MYO9A: variants seen among roughly 807,000 people sequenced by gnomAD.
MYO9A encodes myosin IXA.
Under a neutral mutation model 293.3 loss-of-function variants are expected in MYO9A, and 103 were observed. The ratio of observed to expected loss-of-function variants is 0.35; its 90% CI spans 0.30 to 0.41. The LOEUF is 0.41. MYO9A is among the 10% of genes least tolerant of loss of function. The pLI is 1.00. For missense variants in MYO9A, 2,685 were observed against 3,033.0 expected (o/e 0.89, Z 2.69); for synonymous variants, 1,001 against 1,035.7 (o/e 0.97, Z 0.64).
At chr15:71,865,447 C>A (rs910003527) in intron 32 of MYO9A, among the ~76,000 whole-genome samples, 5 of 152,104 alleles carry the variant, frequency 3.3e-5, no homozygotes, top group African/African-American at 4.8e-5. Context: ...TGTTATATAT[C>A]CATACAACAG....
chr15:71,828,802 C>T (rs1294472263), intron 40 of MYO9A, among the ~76,000 whole-genome samples: 2 of 152,170 alleles, frequency 1.3e-5, no homozygotes, highest in African/African-American at 2.4e-5. Context: ...ACAATATTCT[C>T]CTCTACTTTA....
chr15:71,906,758 CTTT>C (rs71131714), intron 19 of MYO9A, among the ~76,000 whole-genome samples: 10 of 61,014 alleles, frequency 1.6e-4, no homozygotes, highest in East Asian at 3.4e-4. Context: ...CCATTTCTTT[CTTT>C]TTTTTTTTTT....
At chr15:72,102,499 T>TAAAAAAAAA in intron 1 of MYO9A, among the ~76,000 whole-genome samples, 1 of 114,454 alleles carries the variant, frequency 8.7e-6, no homozygotes, top group Non-Finnish European at 1.8e-5. Flanking sequence ...TAAATAAATT[T>TAAAAAAAAA]AAAAAAAAAA....
rs1430504344 is a variant in MYO9A, at chr15:71,903,992, G to A, written c.2814C>T (p.Tyr938=). The A allele has an allele frequency of 6.2e-7, 1 of 1,614,034 alleles. No individual in the cohort carries two copies. Among genetic ancestry groups the A allele is most frequent in the Non-Finnish European group, 8.5e-7 (1 of 1,179,984 alleles). The part of the protein sequence containing the change: ...SDVLVLRQLR[Y]TGMLETVRIR... ...TTCGAACTGTTTCCAGCATCCCGGT[G>A]TATCGAAGCTGTCTAAGTACCAAGA... The change falls in exon 21 of 42, where the codon TAC becomes TAT. Residue 938 remains tyrosine, a synonymous_variant. Coordinates refer to ENST00000356056, the MANE Select transcript of MYO9A (RefSeq NM_006901.4).
chr15:72,109,696 C>G (rs562443132), intron 1 of MYO9A, among the ~76,000 whole-genome samples: 5 of 151,946 alleles, frequency 3.3e-5, no homozygotes, highest in African/African-American at 1.2e-4. Context: ...TGAGACCAGT[C>G]TGGCCAATAT....
intron 28 of MYO9A, among the ~76,000 whole-genome samples, chr15:71,882,128 C>CT (rs1323889650): frequency 6.6e-6 from 1 of 152,106 alleles, no homozygotes; most frequent in African/African-American, 2.4e-5. Context: ...CTATTTTATC[C>CT]TAGATATGAG....
intron 1 of MYO9A, among the ~76,000 whole-genome samples, chr15:72,083,478 G>C (rs1425562788): frequency 6.6e-6 from 1 of 152,018 alleles, no homozygotes; most frequent in Non-Finnish European, 1.5e-5. Context: ...CTGATGTTTT[G>C]AATGGTTTTT....
intron 14 of MYO9A, 126 bp downstream of exon 14, chr15:71,959,775 A>T: frequency 2.5e-6 from 2 of 813,898 alleles, no homozygotes; most frequent in African/African-American, 1.7e-5. Context: ...TAGATTGACT[A>T]CAGAAGCAGG....
intron 27 of MYO9A, among the ~76,000 whole-genome samples, chr15:71,884,927 G>A (rs75696552): frequency 6.7e-6 from 1 of 149,514 alleles, no homozygotes; most frequent in East Asian, 1.9e-4. Flanking sequence ...AAGTCTATCT[G>A]GTTTTGAAGC....
chr15:71,962,779 T>C (rs924911741), intron 13 of MYO9A, among the ~76,000 whole-genome samples: 2 of 152,196 alleles, frequency 1.3e-5, no homozygotes, highest in African/African-American at 4.8e-5. Flanking sequence ...TCTGCCCTAC[T>C]CCTATTAATA....
intron 25 of MYO9A, among the ~76,000 whole-genome samples, chr15:71,895,266 AC>A (rs2057290722): frequency 1.3e-5 from 2 of 152,194 alleles, no homozygotes; most frequent in Non-Finnish European, 2.9e-5. Context: ...CCAAAGAGAA[AC>A]AACAATTAAT....
chr15:71,880,680 G>A lies in MYO9A; in HGVS notation c.5399-122C>T, dbSNP rs2056847707. 8.7e-6 allele frequency: 7 copies of A among 802,060 alleles called. No homozygotes were observed. The South Asian group carries it at 1.3e-4, about 15-fold the overall frequency. The allele number at this position is 802,060 out of a possible 1,614,324, so 49.7% of individuals were successfully genotyped here. ...AAGGAAACATGCAAATATATGAATAGCAAAGTAACATTAATGTTTGAGGTT... is the reference window on the plus strand; with the variant it reads ...AAGGAAACATGCAAATATATGAATAACAAAGTAACATTAATGTTTGAGGTT... On this transcript the variant is annotated intron_variant, in intron 28 of 41. Coordinates refer to ENST00000356056, the MANE Select transcript of MYO9A (RefSeq NM_006901.4).
intron 18 of MYO9A, among the ~76,000 whole-genome samples, chr15:71,930,702 C>T (rs1352397685): frequency 6.6e-6 from 1 of 152,014 alleles, no homozygotes; most frequent in African/African-American, 2.4e-5. Flanking sequence ...ACATTCAAAC[C>T]AGTTATTGAT....
At chr15:72,083,468 C>T (rs1305244333) in intron 1 of MYO9A, among the ~76,000 whole-genome samples, 1 of 152,096 alleles carries the variant, frequency 6.6e-6, no homozygotes, top group African/African-American at 2.4e-5. Flanking sequence ...CCTAAATTCA[C>T]TGATGTTTTG....
At chr15:71,972,448 T>C (rs1019652806) in intron 12 of MYO9A, 7 of 152,104 alleles carry the variant, frequency 4.6e-5, no homozygotes, top group South Asian at 4.2e-4. Flanking sequence ...TCTGGAAGAG[T>C]AGATTATTGA....
chr15:71,955,399 G>T (rs892274979), intron 14 of MYO9A, among the ~76,000 whole-genome samples: 1 of 152,196 alleles, frequency 6.6e-6, no homozygotes, highest in Non-Finnish European at 1.5e-5. Flanking sequence ...AAAGTGCTGG[G>T]ATTACAGGCG....
In MYO9A at chr15:71,879,840, G is replaced by T; in HGVS notation, c.5623-3C>A. 6.3e-7 allele frequency: 1 copy of T among 1,588,972 alleles called. No individual in the cohort carries two copies. Among genetic ancestry groups the T allele is most frequent in the Non-Finnish European group, 8.6e-7 (1 of 1,158,808 alleles). ...TCTTCATTATCTAGGTCATTCACCT[G>T]GGAACCACAAAACGAGTTTTAGTAC... On this transcript the variant is annotated splice_region_variant and splice_polypyrimidine_tract_variant and intron_variant, in intron 29 of 41. Transcript: ENST00000356056.
At chr15:72,011,014 AT>A (rs35009391) in intron 6 of MYO9A, among the ~76,000 whole-genome samples, 247 of 145,782 alleles carry the variant, frequency 1.7e-3, no homozygotes, top group African/African-American at 3.8e-3. Context: ...TAGATATGTT[AT>A]TTTTTTTTTT....
chr15:72,028,365 A>C (rs1356374328), intron 3 of MYO9A, among the ~76,000 whole-genome samples: 1 of 148,962 alleles, frequency 6.7e-6, no homozygotes, highest in Admixed American at 6.7e-5. Flanking sequence ...AGTTTAAACC[A>C]GGCCAGGCGC....
Sources: allele counts gnomAD v4.1 joint callset (sites outside exome capture counted in the v4.1 genomes callset), GRCh38; gene constraint gnomAD v4.1.1; transcripts MANE v1.5; gene names NCBI Gene and HGNC (gene_info 2026-07-23, HGNC 2026-07-21).